The following PHLDB2 variants were observed in gnomAD, a reference collection of about 807,000 sequenced individuals.
PHLDB2 encodes the protein pleckstrin homology-like domain family B member 2.
Under a neutral mutation model 123.6 loss-of-function variants are expected in PHLDB2, and 71 were observed. That is an observed-to-expected ratio of 0.57 (90% CI 0.47 to 0.70). The LOEUF (loss-of-function observed/expected upper bound fraction) is 0.70, where lower values mean the gene tolerates loss of function less well. Ranked by LOEUF, PHLDB2 falls within the 30% of genes least tolerant of loss-of-function variation. PHLDB2 has a pLI of 0.00. For synonymous variants in PHLDB2, 547 were observed against 541.6 expected, an observed-to-expected ratio of 1.01 and a Z score of -0.14; for missense variants, 1,446 against 1,519.5, an observed-to-expected ratio of 0.95 and a Z score of 0.80.
At chr3:111,944,813 C>G (rs903056836) in intron 8 of PHLDB2, among the ~76,000 whole-genome samples, 3 of 152,124 alleles carry the variant, frequency 2.0e-5, no homozygotes, top group Non-Finnish European at 2.9e-5. Context: ...GCTGGGACTA[C>G]AGGTGCCTGC....
At chr3:111,793,292 G>C (rs1298265003) in intron 1 of PHLDB2, among the ~76,000 whole-genome samples, 1 of 152,088 alleles carries the variant, frequency 6.6e-6, no homozygotes. Context: ...TCAAGCAGGG[G>C]AGACTCTTCC....
chr3:111,947,521 C>T (rs1270749803), intron 9 of PHLDB2, among the ~76,000 whole-genome samples: 3 of 151,996 alleles, frequency 2.0e-5, no homozygotes, highest in Non-Finnish European at 4.4e-5. Context: ...TTTTAAAGAC[C>T]TCCCAGGTTT....
chr3:111,798,198 T>C (rs1052252826), intron 1 of PHLDB2, among the ~76,000 whole-genome samples: 1 of 152,142 alleles, frequency 6.6e-6, no homozygotes, highest in Non-Finnish European at 1.5e-5. Context: ...GGTGAACTTC[T>C]AAGACCTTGG....
intron 8 of PHLDB2, 93 bp downstream of exon 8, chr3:111,940,738 G>A: frequency 1.7e-6 from 1 of 575,564 alleles, no homozygotes; most frequent in Non-Finnish European, 2.9e-6. Context: ...TTTTAATAGT[G>A]AATGTCTATA....
At chr3:111,796,858 C>T (rs904442632) in intron 1 of PHLDB2, among the ~76,000 whole-genome samples, 1 of 152,192 alleles carries the variant, frequency 6.6e-6, no homozygotes, top group Admixed American at 6.5e-5. Flanking sequence ...GTAACATCCT[C>T]AAATAGTAAG....
intron 2 of PHLDB2, among the ~76,000 whole-genome samples, chr3:111,913,088 G>A (rs755795125): frequency 3.9e-5 from 6 of 152,218 alleles, no homozygotes; most frequent in Non-Finnish European, 8.8e-5. Flanking sequence ...AAAGGGGAGA[G>A]AGTAGAAGCC....
chr3:111,738,695 A>T (rs2059550579), intron 1 of PHLDB2, among the ~76,000 whole-genome samples: 1 of 152,156 alleles, frequency 6.6e-6, no homozygotes, highest in East Asian at 1.9e-4. Flanking sequence ...TTTAATCATT[A>T]TACAGTACCA....
At chr3:111,918,796 A>T (rs562788184) in intron 3 of PHLDB2, among the ~76,000 whole-genome samples, 2 of 152,294 alleles carry the variant, frequency 1.3e-5, no homozygotes, top group South Asian at 4.1e-4. Context: ...CACCTTTCTT[A>T]TCTGTGTAAT....
At chr3:111,939,677 C>T in intron 7 of PHLDB2, 47 bp downstream of exon 7, 1 of 1,552,234 alleles carries the variant, frequency 6.4e-7, no homozygotes, top group South Asian at 1.2e-5. Context: ...AAATATATTT[C>T]TGCTTAACAT....
chr3:111,775,784 T>C (rs2060258153), intron 1 of PHLDB2, among the ~76,000 whole-genome samples: 2 of 152,222 alleles, frequency 1.3e-5, no homozygotes, highest in Admixed American at 1.3e-4. Flanking sequence ...AATGTTTACA[T>C]TTTTCTACAA....
At chr3:111,867,376 T>C (rs1007655565) in intron 1 of PHLDB2, among the ~76,000 whole-genome samples, 1 of 152,098 alleles carries the variant, frequency 6.6e-6, no homozygotes, top group Non-Finnish European at 1.5e-5. Flanking sequence ...TACTTTATCA[T>C]GAAAAATATT....
chr3:111,760,235 T>C (rs1369561843), intron 1 of PHLDB2, among the ~76,000 whole-genome samples: 1 of 152,262 alleles, frequency 6.6e-6, no homozygotes, highest in Non-Finnish European at 1.5e-5. Flanking sequence ...AAAACTCTTT[T>C]GAAATTCACA....
At chr3:111,745,812 G>GAAAGAAAAGAGAAGAGAAGAGGA (rs2059671964) in intron 1 of PHLDB2, among the ~76,000 whole-genome samples, 1 of 151,726 alleles carries the variant, frequency 6.6e-6, no homozygotes, top group African/African-American at 2.4e-5. Context: ...AAAGAAAGAA[G>GAAAGAAAAGAGAAGAGAAGAGGA]AAAGAAAAGA....
chr3:111,874,535 G>C (rs997407814), intron 1 of PHLDB2, among the ~76,000 whole-genome samples: 1 of 152,140 alleles, frequency 6.6e-6, no homozygotes, highest in East Asian at 1.9e-4. Flanking sequence ...ATTCAGGAGT[G>C]GGGGTTAACA....
intron 1 of PHLDB2, among the ~76,000 whole-genome samples, chr3:111,789,109 G>A (rs953761561): frequency 6.6e-6 from 1 of 152,208 alleles, no homozygotes; most frequent in Non-Finnish European, 1.5e-5. Flanking sequence ...AATCGTCACT[G>A]CAGGTATTTT....
chr3:111,763,266 G>C (rs535203348), intron 1 of PHLDB2, among the ~76,000 whole-genome samples: 3 of 152,332 alleles, frequency 2.0e-5, no homozygotes, highest in Middle Eastern at 3.4e-3. Context: ...TTTCCCTTGA[G>C]TGAGTTATTT....
intron 1 of PHLDB2, among the ~76,000 whole-genome samples, chr3:111,834,244 A>T (rs1559858358): frequency 2.3e-5 from 2 of 87,070 alleles, no homozygotes; most frequent in African/African-American, 1.8e-4. Context: ...TATATAATAG[A>T]ATTATATATA....
intron 1 of PHLDB2, among the ~76,000 whole-genome samples, chr3:111,777,710 T>A (rs915443947): frequency 1.3e-5 from 2 of 151,956 alleles, no homozygotes; most frequent in African/African-American, 4.8e-5. Context: ...TGTTGTTTGA[T>A]GCCATCTGTT....
chr3:111,878,328 T>C (rs2065754703), intron 1 of PHLDB2, among the ~76,000 whole-genome samples: 1 of 152,170 alleles, frequency 6.6e-6, no homozygotes, highest in Non-Finnish European at 1.5e-5. Flanking sequence ...TGAATGGGAG[T>C]TCACTCATGA....
Sources: allele counts gnomAD v4.1 joint callset (sites outside exome capture counted in the v4.1 genomes callset), GRCh38; gene constraint gnomAD v4.1.1; transcripts MANE v1.5; gene names NCBI Gene and HGNC (gene_info 2026-07-23, HGNC 2026-07-21).